The following EXOC6B variants were observed in gnomAD, a reference collection of about 807,000 sequenced individuals.
EXOC6B encodes the protein exocyst complex component 6B, also known as SEC15 homolog B.
Under a neutral mutation model 113.5 loss-of-function variants are expected in EXOC6B, and 54 were observed. The observed-to-expected ratio is 0.48, with a 90% CI of 0.38 to 0.60. EXOC6B has a LOEUF of 0.60. Among genes scored for constraint, EXOC6B ranks in the 20% least tolerant of loss-of-function variants. EXOC6B has a pLI of 0.00. For synonymous variants in EXOC6B, 357 were observed against 339.0 expected, an observed-to-expected ratio of 1.05 and a Z score of -0.58; for missense variants, 797 against 977.5, an observed-to-expected ratio of 0.82 and a Z score of 2.46.
At chr2:72,240,080 A>T (rs924261585) in intron 20 of EXOC6B, among the ~76,000 whole-genome samples, 1 of 152,270 alleles carries the variant, frequency 6.6e-6, no homozygotes, top group Non-Finnish European at 1.5e-5. Flanking sequence ...TTTTTAGTGG[A>T]TTACTCAGTA....
At chr2:72,280,931 G>A (rs1204399035) in intron 20 of EXOC6B, among the ~76,000 whole-genome samples, 1 of 152,050 alleles carries the variant, frequency 6.6e-6, no homozygotes, top group Non-Finnish European at 1.5e-5. Flanking sequence ...CAGCCTATTG[G>A]CATAGGCCAA....
intron 20 of EXOC6B, among the ~76,000 whole-genome samples, chr2:72,189,860 C>CTTTTTTTTTTTTTTTTTTTT (rs57679690): frequency 3.4e-5 from 3 of 87,252 alleles, no homozygotes; most frequent in African/African-American, 1.3e-4. Context: ...CCTTCTTCTT[C>CTTTTTTTTTTTTTTTTTTTT]TTTTTTTTTT....
At chr2:72,438,013 T>A (rs534980532) in intron 18 of EXOC6B, among the ~76,000 whole-genome samples, 1 of 152,190 alleles carries the variant, frequency 6.6e-6, no homozygotes, top group Non-Finnish European at 1.5e-5. Context: ...ATCTCATTTT[T>A]ATAACCTCAC....
At chr2:72,604,964 G>A (rs1001721754) in intron 6 of EXOC6B, among the ~76,000 whole-genome samples, 4 of 152,064 alleles carry the variant, frequency 2.6e-5, no homozygotes, top group Admixed American at 1.3e-4. Flanking sequence ...CATAAAATCT[G>A]AAAGCAAAAC....
chr2:72,672,032 CAG>C (rs1558903652), intron 6 of EXOC6B, among the ~76,000 whole-genome samples: 2 of 151,818 alleles, frequency 1.3e-5, no homozygotes, highest in African/African-American at 4.8e-5. Flanking sequence ...ATCAAAAAGA[CAG>C]GGAATAGCAG....
At chr2:72,739,710 A>G (rs1421758387) in intron 2 of EXOC6B, among the ~76,000 whole-genome samples, 1 of 152,150 alleles carries the variant, frequency 6.6e-6, no homozygotes, top group Non-Finnish European at 1.5e-5. Context: ...TAAGGAAAAG[A>G]CCTAACTTAC....
intron 18 of EXOC6B, among the ~76,000 whole-genome samples, chr2:72,439,336 T>C (rs1696061994): frequency 6.6e-6 from 1 of 152,190 alleles, no homozygotes; most frequent in Non-Finnish European, 1.5e-5. Flanking sequence ...GTTTTCCATA[T>C]TGGTTCCATT....
At chr2:72,695,504 G>C (rs2104607831) in intron 6 of EXOC6B, among the ~76,000 whole-genome samples, 1 of 152,034 alleles carries the variant, frequency 6.6e-6, no homozygotes, top group African/African-American at 2.4e-5. Context: ...AGAAACCAAA[G>C]AAAAGTTGTC....
intron 1 of EXOC6B, among the ~76,000 whole-genome samples, chr2:72,797,489 G>A (rs997970335): frequency 1.3e-5 from 2 of 152,110 alleles, no homozygotes; most frequent in Non-Finnish European, 2.9e-5. Context: ...AACAAAGTAG[G>A]GAATGGATTG....
Position 72,310,787 on chromosome 2 carries a change from T to C in EXOC6B, c.2196+24160A>G, listed in dbSNP as rs1281790975. On this transcript the variant is annotated intron_variant, in intron 20 of 21. Transcript: ENST00000272427. ...ATGTTGGCTTTAATTTTTATTACAG[T>C]AATCACTATCATTTATTAAGCCTCT... Among the ~76,000 whole-genome samples, 7 of 151,910 alleles carry C rather than the reference T, an allele frequency of 4.6e-5. No individual in the cohort carries two copies. In the East Asian group the frequency reaches 9.6e-4, roughly 21 times the overall value.
At chr2:72,719,612 C>T (rs1056089478) in intron 5 of EXOC6B, among the ~76,000 whole-genome samples, 1 of 152,218 alleles carries the variant, frequency 6.6e-6, no homozygotes, top group African/African-American at 2.4e-5. Context: ...AACCCATATA[C>T]AAACTCATTA....
At chr2:72,432,476 T>C (rs961181766) in intron 18 of EXOC6B, among the ~76,000 whole-genome samples, 2 of 152,230 alleles carry the variant, frequency 1.3e-5, no homozygotes, top group African/African-American at 4.8e-5. Context: ...GTATTTCTAG[T>C]TCTAGATCCT....
intron 20 of EXOC6B, among the ~76,000 whole-genome samples, chr2:72,289,621 T>C (rs1685662710): frequency 6.6e-6 from 1 of 152,240 alleles, no homozygotes; most frequent in Non-Finnish European, 1.5e-5. Flanking sequence ...TGGTTAATTT[T>C]ATGTATCAAC....
chr2:72,757,305 A>C (rs1397163716), intron 1 of EXOC6B, among the ~76,000 whole-genome samples: 1 of 152,226 alleles, frequency 6.6e-6, no homozygotes, highest in Non-Finnish European at 1.5e-5. Context: ...TCAAAACTTT[A>C]ACCAAAATGA....
At chr2:72,585,620 C>T (rs1705517267) in intron 6 of EXOC6B, among the ~76,000 whole-genome samples, 2 of 150,956 alleles carry the variant, frequency 1.3e-5, no homozygotes, top group South Asian at 2.1e-4. Flanking sequence ...GGTGATATTA[C>T]AAGAGATACC....
intron 1 of EXOC6B, among the ~76,000 whole-genome samples, chr2:72,774,189 A>C (rs1181410261): frequency 6.6e-6 from 1 of 152,326 alleles, no homozygotes; most frequent in East Asian, 1.9e-4. Context: ...TCTTACAAGA[A>C]ATGTTTGTAA....
intron 1 of EXOC6B, among the ~76,000 whole-genome samples, chr2:72,778,915 A>G (rs1683870396): frequency 6.6e-6 from 1 of 152,184 alleles, no homozygotes; most frequent in African/African-American, 2.4e-5. Context: ...AAAGCAGGAT[A>G]CAACATAACA....
chr2:72,220,746 C>T (rs948318407), intron 20 of EXOC6B, among the ~76,000 whole-genome samples: 11 of 152,124 alleles, frequency 7.2e-5, no homozygotes, highest in African/African-American at 2.7e-4. Flanking sequence ...AAACTGTGCA[C>T]GATACACTAC....
intron 6 of EXOC6B, among the ~76,000 whole-genome samples, chr2:72,613,138 C>T (rs1349008320): frequency 2.0e-5 from 3 of 152,080 alleles, no homozygotes; most frequent in Admixed American, 6.6e-5. Context: ...ACTTAATGAT[C>T]AGTGTTCATA....
Sources: gnomAD v4.1 joint callset for allele counts (sites outside exome capture counted in the v4.1 genomes callset) on GRCh38, gnomAD v4.1.1 for gene constraint, MANE v1.5 for transcripts, NCBI Gene and HGNC (gene_info 2026-07-23, HGNC 2026-07-21) for gene names.